DOCK4: variants seen among roughly 807,000 people sequenced by gnomAD.
DOCK4 encodes dedicator of cytokinesis 4, also known as dedicator of cytokinesis protein 4.
DOCK4 carries 97 observed loss-of-function variants against 268.1 expected under a neutral mutation model. The ratio of observed to expected loss-of-function variants is 0.36; its 90% CI spans 0.31 to 0.43. DOCK4 has a LOEUF of 0.43. Ranked by LOEUF, DOCK4 falls within the 20% of genes least tolerant of loss-of-function variation. The pLI is 1.00. For missense variants in DOCK4, 2,145 were observed against 2,455.7 expected (o/e 0.87, Z 2.67); for synonymous variants, 954 against 887.2 (o/e 1.08, Z -1.34).
intron 16 of DOCK4, among the ~76,000 whole-genome samples, chr7:111,884,275 T>A (rs1300515745): frequency 2.6e-5 from 4 of 152,234 alleles, no homozygotes; most frequent in African/African-American, 9.6e-5. Context: ...CAGGCACTGC[T>A]CTGCACTGCG....
At chr7:111,798,847 C>T (rs1456675314) in intron 30 of DOCK4, among the ~76,000 whole-genome samples, 1 of 152,224 alleles carries the variant, frequency 6.6e-6, no homozygotes, top group African/African-American at 2.4e-5. Context: ...TTTCCATGCT[C>T]ATGTTGCCAT....
At chr7:111,743,106 C>T (rs972317841) in intron 44 of DOCK4, among the ~76,000 whole-genome samples, 4 of 152,126 alleles carry the variant, frequency 2.6e-5, no homozygotes, top group South Asian at 2.1e-4. Flanking sequence ...AGTGAGGATC[C>T]GAAGAGATGA....
chr7:112,028,888 C>T (rs891570030), intron 1 of DOCK4, among the ~76,000 whole-genome samples: 7 of 152,200 alleles, frequency 4.6e-5, no homozygotes, highest in African/African-American at 1.7e-4. Flanking sequence ...TCACATGGTC[C>T]TGATTATTTT....
At chr7:111,759,002 T>C (rs544060953) in intron 40 of DOCK4, among the ~76,000 whole-genome samples, 32 of 152,224 alleles carry the variant, frequency 2.1e-4, no homozygotes, top group African/African-American at 7.5e-4. Context: ...TCTAGGTAGG[T>C]GAAGTATCAG....
At chr7:112,080,912 G>C (rs894703981) in intron 1 of DOCK4, among the ~76,000 whole-genome samples, 1 of 152,160 alleles carries the variant, frequency 6.6e-6, no homozygotes, top group Non-Finnish European at 1.5e-5. Flanking sequence ...CTAAACACTT[G>C]TGTAGATTTG....
chr7:111,789,528 A>T (rs943292649), intron 31 of DOCK4, among the ~76,000 whole-genome samples: 2 of 152,358 alleles, frequency 1.3e-5, no homozygotes, highest in Middle Eastern at 3.4e-3. Context: ...ATTCCTTTAA[A>T]CCAAATTTCA....
chr7:112,090,243 AATAAG>A (rs1809498642), intron 1 of DOCK4, among the ~76,000 whole-genome samples: 1 of 152,188 alleles, frequency 6.6e-6, no homozygotes, highest in Non-Finnish European at 1.5e-5. Context: ...TAAATTATAA[AATAAG>A]ATATCAAAAT....
At chr7:112,102,531 G>GT (rs1254878486) in intron 1 of DOCK4, among the ~76,000 whole-genome samples, 1 of 152,172 alleles carries the variant, frequency 6.6e-6, no homozygotes, top group South Asian at 2.1e-4. Context: ...CGATTAGGCT[G>GT]TAAGAGTAGA....
At position 111,875,687 on chromosome 7, in the gene DOCK4, A is replaced by C. The variant is rs141582093; in HGVS notation, c.1744+1343T>G. On this transcript the variant is annotated intron_variant, in intron 17 of 52. Coordinates refer to ENST00000428084, the MANE Select transcript of DOCK4 (RefSeq NM_001363540.2). The stretch of plus-strand genomic sequence containing the variant: ...CTTTGAAGATGGAGGAAGGGGCCAT[A>C]GGCCAAGGAATGCAGGTGGCTTCTA... Among the ~76,000 whole-genome samples, 639 of 152,338 alleles carry C rather than the reference A, an allele frequency of 4.2e-3. 2 individuals carry two copies. The highest frequency in any genetic ancestry group is 0.014 in the African/African-American group (601 of 41,578).
At chr7:112,168,549 C>A (rs1817802073) in intron 1 of DOCK4, among the ~76,000 whole-genome samples, 1 of 152,014 alleles carries the variant, frequency 6.6e-6, no homozygotes, top group Non-Finnish European at 1.5e-5. Flanking sequence ...CTCTACAAAT[C>A]AAAAAATTAG....
chr7:112,040,719 T>C (rs938321715), intron 1 of DOCK4, among the ~76,000 whole-genome samples: 2 of 151,920 alleles, frequency 1.3e-5, no homozygotes, highest in Non-Finnish European at 2.9e-5. Context: ...CACATTTCAA[T>C]AAATAGGTAG....
chr7:112,012,714 A>G (rs1801447344), intron 1 of DOCK4, among the ~76,000 whole-genome samples: 1 of 152,232 alleles, frequency 6.6e-6, no homozygotes, highest in Non-Finnish European at 1.5e-5. Flanking sequence ...TAATATTCAA[A>G]TAATATTATT....
intron 38 of DOCK4, 114 bp from the exon 39 acceptor site, chr7:111,765,336 C>T: frequency 1.4e-6 from 1 of 703,274 alleles, no homozygotes; most frequent in Non-Finnish European, 2.3e-6. Flanking sequence ...ATTGAGTTTG[C>T]TGGAAAGAAA....
intron 1 of DOCK4, among the ~76,000 whole-genome samples, chr7:112,077,642 C>T (rs941173631): frequency 6.6e-6 from 1 of 152,046 alleles, no homozygotes; most frequent in Non-Finnish European, 1.5e-5. Flanking sequence ...ATTACCTTCA[C>T]AGAGCACCTA....
At chr7:111,945,280 G>A (rs1795529304) in intron 9 of DOCK4, among the ~76,000 whole-genome samples, 1 of 152,206 alleles carries the variant, frequency 6.6e-6, no homozygotes, top group Admixed American at 6.5e-5. Context: ...CTGCCTCCCA[G>A]GTTCAAGCAA....
chr7:111,954,934 T>G (rs368130396), intron 8 of DOCK4, among the ~76,000 whole-genome samples: 1 of 152,206 alleles, frequency 6.6e-6, no homozygotes. Context: ...CTGGAGATCC[T>G]GATTGACTGG....
At chr7:112,089,296 C>T (rs1435457274) in intron 1 of DOCK4, among the ~76,000 whole-genome samples, 3 of 152,066 alleles carry the variant, frequency 2.0e-5, no homozygotes, top group Non-Finnish European at 4.4e-5. Flanking sequence ...AATTTAAGAA[C>T]ACCTTTGCTA....
rs1387959029 is a variant in DOCK4 at position 111,996,132 on chromosome 7, T to C, written c.219-1901A>G. ...CATTTAAAAAGTGACATGACCTCAGTAGGAATTAAACAATACAGAAGTGGC... is the reference window on the plus strand; with the variant it reads ...CATTTAAAAAGTGACATGACCTCAGCAGGAATTAAACAATACAGAAGTGGC... On this transcript the variant is annotated intron_variant, in intron 4 of 52. Transcript: ENST00000428084. 2.6e-5 allele frequency among the ~76,000 whole-genome samples: 4 copies of C among 152,280 alleles called. No individual in the cohort carries two copies. The East Asian group carries it at 5.8e-4, about 22-fold the overall frequency.
chr7:111,783,230 G>A (rs190580599), intron 34 of DOCK4, among the ~76,000 whole-genome samples: 15 of 152,218 alleles, frequency 9.9e-5, no homozygotes, highest in Admixed American at 9.8e-4. Flanking sequence ...GGAAGTTAGA[G>A]GAGTGAAAAT....
Sources: gnomAD v4.1 joint callset for allele counts (sites outside exome capture counted in the v4.1 genomes callset) on GRCh38, gnomAD v4.1.1 for gene constraint, MANE v1.5 for transcripts, NCBI Gene and HGNC (gene_info 2026-07-23, HGNC 2026-07-21) for gene names.